ABLIM2: variants seen among roughly 807,000 people sequenced by gnomAD.
ABLIM2 encodes the protein actin binding LIM protein family member 2.
ABLIM2 carries 53 observed loss-of-function variants against 97.7 expected under a neutral mutation model. That is an observed-to-expected ratio of 0.54 (90% CI 0.44 to 0.68). ABLIM2 has a LOEUF of 0.68. Among genes scored for constraint, ABLIM2 ranks in the 30% least tolerant of loss-of-function variants. The probability of loss-of-function intolerance (pLI) is 0.00; values close to 1 mark genes in which losing one functional copy is unlikely to be tolerated. For synonymous variants in ABLIM2, 361 were observed against 345.8 expected (o/e 1.04, Z -0.49); for missense variants, 835 against 867.2 (o/e 0.96, Z 0.47).
intron 4 of ABLIM2, 139 bp downstream of exon 4, chr4:8,088,030 C>T (rs1196632132): frequency 1.2e-4 from 37 of 321,488 alleles, no homozygotes; most frequent in African/African-American, 4.8e-4. Context: ...ATACTCAGCA[C>T]CGCCCCCACT....
chr4:8,008,945 C>T, intron 15 of ABLIM2, 105 bp downstream of exon 15: 1 of 1,391,264 alleles, frequency 7.2e-7, no homozygotes. Context: ...CCCTAAGGAA[C>T]AGAATGTAAG....
intron 20 of ABLIM2, among the ~76,000 whole-genome samples, chr4:7,976,950 T>TACAC (rs1222070474): frequency 3.9e-5 from 6 of 152,018 alleles, no homozygotes; most frequent in Non-Finnish European, 2.9e-5. Context: ...CATACATACA[T>TACAC]ACACACAGTC....
At chr4:8,079,348 T>C (rs2152429010) in intron 5 of ABLIM2, among the ~76,000 whole-genome samples, 1 of 152,328 alleles carries the variant, frequency 6.6e-6, no homozygotes, top group South Asian at 2.1e-4. Flanking sequence ...GGCTGCTAAG[T>C]AACATGCACG....
At chr4:8,010,629 C>T in intron 14 of ABLIM2, 1 of 951,724 alleles carries the variant, frequency 1.1e-6, no homozygotes, top group Non-Finnish European at 1.3e-6. Flanking sequence ...TCAACGGCTA[C>T]CTGTTTCTCC....
rs60992903 is a variant in ABLIM2, at chr4:8,056,112, CAAAAAAAA to C, written c.764-1874_764-1867del. On this transcript the variant is annotated intron_variant, in intron 7 of 20. Transcript: ENST00000447017. ...TGGGTAACAGAGCAAGACTCTGTCT[CAAAAAAAA>C]AAAAAAAAAAAAAAAAAAAGTAACA... Among the ~76,000 whole-genome samples, 7 of 68,362 alleles carry C rather than the reference CAAAAAAAA, an allele frequency of 1.0e-4. No homozygotes were observed. In the South Asian group the frequency reaches 1.4e-3, roughly 14 times the overall value. The allele number at this position is 68,362 out of a possible 152,430, so 44.8% of individuals were successfully genotyped here.
At position 8,140,754 on chromosome 4, in the gene ABLIM2, T is replaced by C. The variant is rs28533035; in HGVS notation, c.10+17926A>G. 0.27 allele frequency among the ~76,000 whole-genome samples: 40,244 copies of C among 151,474 alleles called. 7,090 individuals carry two copies. Among genetic ancestry groups the C allele is most frequent in the African/African-American group, 0.51 (20,867 of 41,216 alleles). ...GCAGAGAGTAGCACCCAGACACATG[T>C]GGAAGGAGGGAAAGGGCTGACGATA... On this transcript the variant is annotated intron_variant, in intron 1 of 20. Transcript: ENST00000447017. The surrounding 1 kb of genome is among the most constrained non-coding windows in gnomAD (Gnocchi z 5.9).
chr4:8,132,796 C>T lies in ABLIM2; in HGVS notation c.10+25884G>A, dbSNP rs764456217. ...TCCTCATCTGTAAATGGGGATACCA[C>T]GGACTGGGCTGCAGGGAGACTAAAT... is the stretch of plus-strand genomic sequence containing the variant. On this transcript the variant is annotated intron_variant, in intron 1 of 20. Coordinates refer to ENST00000447017, the MANE Select transcript of ABLIM2 (RefSeq NM_001130083.2). This position sits in a 1 kb window ranked among gnomAD's most constrained non-coding sequence, Gnocchi z 8.0. Among the ~76,000 whole-genome samples the T allele has an allele frequency of 1.1e-4, 17 of 152,174 alleles. No individual in the cohort carries two copies. Among genetic ancestry groups the T allele is most frequent in the African/African-American group, 2.7e-4 (11 of 41,442 alleles).
chr4:8,088,024 T>G (rs1276695742), intron 4 of ABLIM2, 145 bp downstream of exon 4: 1 of 215,098 alleles, frequency 4.6e-6, no homozygotes, highest in Non-Finnish European at 8.6e-6. Context: ...TGCCCTATAC[T>G]CAGCACCGCC....
At chr4:8,050,996 C>T (rs950243146) in intron 8 of ABLIM2, among the ~76,000 whole-genome samples, 6 of 152,392 alleles carry the variant, frequency 3.9e-5, no homozygotes, top group African/African-American at 1.2e-4. Context: ...TGGCAGCATC[C>T]GGTGGTTAAG....
chr4:8,121,351 G>A (rs893662152), intron 1 of ABLIM2, among the ~76,000 whole-genome samples: 1 of 152,256 alleles, frequency 6.6e-6, no homozygotes. Context: ...AGCTCCTGCT[G>A]CTTCCAGGAC....
chr4:8,011,401 A>C (rs896902986), intron 14 of ABLIM2, among the ~76,000 whole-genome samples: 1 of 152,254 alleles, frequency 6.6e-6, no homozygotes, highest in Non-Finnish European at 1.5e-5. Flanking sequence ...TCTCTTGAGA[A>C]CTAGGAGCTT....
intron 2 of ABLIM2, among the ~76,000 whole-genome samples, chr4:8,104,690 C>G (rs986446213): frequency 1.1e-4 from 16 of 152,154 alleles, no homozygotes; most frequent in African/African-American, 3.9e-4. Context: ...CTGAGCTCAG[C>G]GTCTTCCCTA....
intron 4 of ABLIM2, among the ~76,000 whole-genome samples, chr4:8,084,625 G>A (rs899541780): frequency 2.6e-5 from 4 of 152,210 alleles, no homozygotes; most frequent in African/African-American, 7.2e-5. Context: ...CCTCACTCTG[G>A]TGGGGCCTCC....
chr4:8,014,488 G>A (rs1431021274), intron 14 of ABLIM2, among the ~76,000 whole-genome samples: 1 of 152,228 alleles, frequency 6.6e-6, no homozygotes, highest in Non-Finnish European at 1.5e-5. Flanking sequence ...GAGAGAATGT[G>A]TGTGTGTGTG....
intron 1 of ABLIM2, among the ~76,000 whole-genome samples, chr4:8,114,501 G>T (rs984240133): frequency 1.3e-5 from 2 of 152,160 alleles, no homozygotes; most frequent in East Asian, 1.9e-4. Context: ...GCAGGTCCAG[G>T]CCTCCCTACT....
chr4:8,028,106 AG>A (rs1197936248), intron 11 of ABLIM2, among the ~76,000 whole-genome samples: 2 of 152,196 alleles, frequency 1.3e-5, no homozygotes, highest in Admixed American at 6.5e-5. Flanking sequence ...GGGGTTCCCC[AG>A]GGGGGGTTAG....
rs187185939 is a variant in ABLIM2 at position 8,018,876 on chromosome 4, C to A, written c.1423+742G>T. 5.9e-5 allele frequency among the ~76,000 whole-genome samples: 9 copies of A among 152,312 alleles called. No homozygotes were observed. The East Asian group carries it at 1.7e-3, about 29-fold the overall frequency. ...CCTATTCGATATCCCATGAAGTTCC[C>A]ACGGTCAGCCTGTGGAAAGGGCGGG... On this transcript the variant is annotated intron_variant, in intron 14 of 20. Coordinates refer to ENST00000447017, the MANE Select transcript of ABLIM2 (RefSeq NM_001130083.2).
rs934975707 is a variant in ABLIM2 at position 7,992,768 on chromosome 4, G to A, written c.1680+98C>T. ...GCAGGTGGGCCGCGGGGTCCCCGGGGCCTCTCCTCCTGCTGTGTGGTCAAG... is the reference window on the plus strand; with the variant it reads ...GCAGGTGGGCCGCGGGGTCCCCGGGACCTCTCCTCCTGCTGTGTGGTCAAG... On this transcript the variant is annotated intron_variant, in intron 17 of 20. Coordinates refer to ENST00000447017, the MANE Select transcript of ABLIM2 (RefSeq NM_001130083.2). The surrounding 1 kb of genome is among the most constrained non-coding windows in gnomAD (Gnocchi z 5.7). The A allele has an allele frequency of 6.5e-6, 9 of 1,377,850 alleles. No individual in the cohort carries two copies. Among genetic ancestry groups the A allele is most frequent in the South Asian group, 1.2e-5 (1 of 80,804 alleles). The allele number at this position is 1,377,850 out of a possible 1,614,324, so 85.4% of individuals were successfully genotyped here.
At chr4:8,077,752 G>C in intron 5 of ABLIM2, 31 bp from the exon 6 acceptor site, 1 of 1,583,690 alleles carries the variant, frequency 6.3e-7, no homozygotes, top group Non-Finnish European at 8.6e-7. Flanking sequence ...AACACAGGGC[G>C]GGTGTCGCCC....
Sources: gnomAD v4.1 joint callset for allele counts (sites outside exome capture counted in the v4.1 genomes callset) on GRCh38, gnomAD v4.1.1 for gene constraint, Gnocchi (gnomAD v3.1) non-coding constraint, MANE v1.5 for transcripts, NCBI Gene and HGNC (gene_info 2026-07-23, HGNC 2026-07-21) for gene names.